The following SPATA31E1 variants were observed in gnomAD, a reference collection of about 807,000 sequenced individuals.
SPATA31E1 encodes SPATA31 subfamily E member 1, also known as spermatogenesis-associated protein 31E1.
A neutral mutation model predicts 12.9 loss-of-function variants in SPATA31E1; 7 were observed. The observed-to-expected ratio is 0.54, with a 90% CI of 0.31 to 1.02. SPATA31E1 has a LOEUF of 1.02. Among genes scored for constraint, SPATA31E1 ranks in the 50% least tolerant of loss-of-function variants. The pLI, the probability that SPATA31E1 is intolerant of heterozygous loss-of-function variation, is 0.05. For synonymous variants in SPATA31E1, 771 were observed against 719.0 expected (o/e 1.07, Z -1.16); for missense variants, 1,961 against 1,799.8 (o/e 1.09, Z -1.62).
In SPATA31E1 at chr9:87,885,146, G is replaced by A. The variant is rs1192866994; in HGVS notation, c.659G>A (p.Ser220Asn). ...SEPFGPHSTLSASGPPEPLLP... is the reference protein window; with the variant it reads ...SEPFGPHSTLNASGPPEPLLP... Reference sequence around the variant, plus strand: ...CCTTTTGGACCACACTCAACCCTGAGTGCCTCCGGGCCACCAGAGCCCTTG... The same window carrying A: ...CCTTTTGGACCACACTCAACCCTGAATGCCTCCGGGCCACCAGAGCCCTTG... The change falls in exon 4 of 4, where the codon AGT becomes AAT. Residue 220 changes from serine (S) to asparagine (N), a missense_variant. Physicochemically the swap from Ser to Asn is conservative, Grantham distance 46 (BLOSUM62 1). Transcript: ENST00000325643. 3.1e-6 allele frequency: 5 copies of A among 1,614,130 alleles called. No individual in the cohort carries two copies. Among genetic ancestry groups the A allele is most frequent in the Middle Eastern group, 1.6e-4 (1 of 6,062 alleles).
chr9:87,885,177 C>T lies in SPATA31E1; in HGVS notation c.690C>T (p.Pro230=). 2 of 1,614,150 alleles carry T rather than the reference C, an allele frequency of 1.2e-6. No homozygotes were observed. The highest frequency in any genetic ancestry group is 1.1e-5 in the South Asian group (1 of 91,078). ...CCGGGCCACCAGAGCCCTTGCTTCC[C>T]CTAAAATGCCCTGCAACCCAGCCAC... ...SASGPPEPLL[P]LKCPATQPHV... The change falls in exon 4 of 4, where the codon CCC becomes CCT. Residue 230 remains proline, a synonymous_variant. Transcript: ENST00000325643.
chr9:87,883,855 G>A, intron 1 of SPATA31E1, 137 bp from the exon 2 acceptor site: 1 of 892,288 alleles, frequency 1.1e-6, no homozygotes, highest in Non-Finnish European at 1.7e-6. Flanking sequence ...CGGTAAACAT[G>A]AGTAAAAAGC....
Position 87,885,166 on chromosome 9 carries a change from C to A in SPATA31E1, c.679C>A (p.Pro227Thr), listed in dbSNP as rs1828243416. The A allele has an allele frequency of 1.9e-6, 3 of 1,614,180 alleles. No individual in the cohort carries two copies. Among genetic ancestry groups the A allele is most frequent in the Admixed American group, 1.7e-5 (1 of 60,028 alleles). Reference sequence around the variant, plus strand: ...CCTGAGTGCCTCCGGGCCACCAGAGCCCTTGCTTCCCCTAAAATGCCCTGC... The same window carrying A: ...CCTGAGTGCCTCCGGGCCACCAGAGACCTTGCTTCCCCTAAAATGCCCTGC... ...STLSASGPPE[P>T]LLPLKCPATQ... Residue 227 changes from proline to threonine, a missense_variant, in exon 4 of 4, where the codon CCC (proline) becomes ACC (threonine). By Grantham distance (38) the Pro-to-Thr change is conservative (BLOSUM62 -1). Transcript: ENST00000325643.
chr9:87,885,230 C>T lies in SPATA31E1; in HGVS notation c.743C>T (p.Pro248Leu), dbSNP rs150375971. 5.0e-6 allele frequency: 8 copies of T among 1,614,040 alleles called. No homozygotes were observed. Among genetic ancestry groups the T allele is most frequent in the African/African-American group, 1.3e-5 (1 of 74,928 alleles). Residue 248 changes from proline to leucine, a missense_variant, in exon 4 of 4, where the codon CCG (proline) becomes CTG (leucine). By Grantham distance (98) the Pro-to-Leu change is moderately conservative. Transcript: ENST00000325643. Reference protein sequence around the residue: ...PHVVFPPSPQPHGPLASSPPP... With the variant: ...PHVVFPPSPQLHGPLASSPPP... ...GTGGTTTTTCCTCCTTCACCACAGC[C>T]GCATGGTCCCCTGGCCTCCTCTCCA... is the stretch of plus-strand genomic sequence containing the variant.
chr9:87,884,760 G>A (rs1828233334), intron 3 of SPATA31E1, 109 bp downstream of exon 3: 3 of 1,511,786 alleles, frequency 2.0e-6, no homozygotes, highest in African/African-American at 1.4e-5. Context: ...AAGGGGACAG[G>A]AGGGGACTGA....
chr9:87,885,291 T>C lies in SPATA31E1; in HGVS notation c.804T>C (p.Cys268=), dbSNP rs954128255. The C allele has an allele frequency of 2.5e-6, 4 of 1,614,058 alleles. No homozygotes were observed. Among genetic ancestry groups the C allele is most frequent in the Non-Finnish European group, 3.4e-6 (4 of 1,179,980 alleles). ...PPDSSLAGLQ[C]GSTTCPVPQS... ...ACTCCAGCCTGGCTGGACTTCAGTG[T>C]GGCTCCACAACATGCCCCGTCCCCC... The change falls in exon 4 of 4, where the codon TGT becomes TGC. Residue 268 remains cysteine (C), a synonymous_variant. Transcript: ENST00000325643.
intron 1 of SPATA31E1, 115 bp downstream of exon 1, chr9:87,883,315 C>G: frequency 7.0e-7 from 1 of 1,428,010 alleles, no homozygotes; most frequent in Non-Finnish European, 9.5e-7. Flanking sequence ...TCTCGTCATC[C>G]CTCTAGGGAA....
Position 87,887,294 on chromosome 9 carries a change from G to A in SPATA31E1, c.2807G>A (p.Gly936Glu), listed in dbSNP as rs778234442. 1.2e-6 allele frequency: 2 copies of A among 1,613,864 alleles called. No individual in the cohort carries two copies. Among genetic ancestry groups the A allele is most frequent in the East Asian group, 2.2e-5 (1 of 44,868 alleles). The change falls in exon 4 of 4, where the codon GGG becomes GAG. Residue 936 changes from glycine (G) to glutamate (E), a missense_variant. Coordinates refer to ENST00000325643, the MANE Select transcript of SPATA31E1 (RefSeq NM_178828.5). ...EQEGVQRPPR[G>E]SQSADTHGRS... ...GAGGGAGTCCAGAGGCCCCCGAGAG[G>A]GTCCCAGTCAGCTGATACCCATGGG...
At position 87,888,900 on chromosome 9, in the gene SPATA31E1, T is replaced by A. The variant is rs1587572603; in HGVS notation, c.*75T>A. 2.4e-5 allele frequency: 34 copies of A among 1,407,144 alleles called. No individual in the cohort carries two copies. The highest frequency in any genetic ancestry group is 2.8e-5 in the South Asian group (2 of 70,200). The allele number at this position is 1,407,144 out of a possible 1,614,324, so 87.2% of individuals were successfully genotyped here. A position where few individuals can be genotyped will look rare whatever the true frequency, so the allele number is the denominator to read the frequency against. On this transcript the variant is annotated 3_prime_UTR_variant, in exon 4 of 4. Transcript: ENST00000325643. ...TCAAATAAAACTGATGCCTACACAA[T>A]AAACCTGTCCTGCGTGGGTGATCAC... is the stretch of plus-strand genomic sequence containing the variant.
Position 87,887,053 on chromosome 9 carries a change from G to C in SPATA31E1, c.2566G>C (p.Glu856Gln). ...HSWGTDLQSL[E>Q]PINVWSGEAQ... Reference sequence around the variant, plus strand: ...CTGGGGTACAGACCTCCAGTCCCTGGAGCCCATAAATGTCTGGTCAGGTGA... The same window carrying C: ...CTGGGGTACAGACCTCCAGTCCCTGCAGCCCATAAATGTCTGGTCAGGTGA... Residue 856 changes from glutamate to glutamine, a missense_variant, in exon 4 of 4, where the codon GAG (glutamate) becomes CAG (glutamine). Physicochemically the swap from Glu to Gln is conservative, Grantham distance 29. Transcript: ENST00000325643. 2 of 1,614,066 alleles carry C rather than the reference G, an allele frequency of 1.2e-6. No individual in the cohort carries two copies. The highest frequency in any genetic ancestry group is 1.7e-6 in the Non-Finnish European group (2 of 1,179,994).
Position 87,888,367 on chromosome 9 carries a change from G to C in SPATA31E1, c.3880G>C (p.Ala1294Pro). The C allele has an allele frequency of 1.2e-6, 2 of 1,614,206 alleles. No homozygotes were observed. The highest frequency in any genetic ancestry group is 1.7e-6 in the Non-Finnish European group (2 of 1,180,032). The change falls in exon 4 of 4, where the codon GCA becomes CCA. Residue 1294 changes from alanine to proline, a missense_variant. Ala to Pro is a conservative substitution (Grantham distance 27). Transcript: ENST00000325643. Reference protein sequence around the residue: ...EDVLQKGKPGADAFQSWGSGP... With the variant: ...EDVLQKGKPGPDAFQSWGSGP... ...TGTCCTGCAGAAAGGCAAGCCTGGG[G>C]CAGATGCTTTCCAGAGCTGGGGGTC...
intron 3 of SPATA31E1, 99 bp downstream of exon 3, chr9:87,884,750 A>C: frequency 6.5e-7 from 1 of 1,536,618 alleles, no homozygotes; most frequent in Non-Finnish European, 9.0e-7. Context: ...AGGTCCCGGG[A>C]AGGGGACAGG....
At position 87,888,389 on chromosome 9, in the gene SPATA31E1, G is replaced by A; in HGVS notation, c.3902G>A (p.Gly1301Glu). The A allele has an allele frequency of 6.2e-7, 1 of 1,614,158 alleles. No homozygotes were observed. Among genetic ancestry groups the A allele is most frequent in the Non-Finnish European group, 8.5e-7 (1 of 1,180,028 alleles). Residue 1301 changes from glycine (G) to glutamate (E), a missense_variant, in exon 4 of 4, where the codon GGG becomes GAG. Coordinates refer to ENST00000325643, the MANE Select transcript of SPATA31E1 (RefSeq NM_178828.5). ...KPGADAFQSWGSGPPRQFMDC... is the reference protein window; with the variant it reads ...KPGADAFQSWESGPPRQFMDC... ...GGGGCAGATGCTTTCCAGAGCTGGG[G>A]GTCTGGCCCACCAAGGCAGTTTATG...
In SPATA31E1 at chr9:87,886,399, G is replaced by A. The variant is rs894275216; in HGVS notation, c.1912G>A (p.Glu638Lys). The A allele has an allele frequency of 6.8e-6, 11 of 1,613,714 alleles. No individual in the cohort carries two copies. Among genetic ancestry groups the A allele is most frequent in the South Asian group, 5.5e-5 (5 of 91,072 alleles). The change falls in exon 4 of 4, where the codon GAG becomes AAG. Residue 638 changes from glutamate to lysine, a missense_variant. Glu to Lys is a moderately conservative substitution (Grantham distance 56). Transcript: ENST00000325643. ...WWQGRNAIHQ[E>K]QSCGPPSRLQ... Reference sequence around the variant, plus strand: ...GCAAGGAAGGAATGCCATCCACCAGGAGCAGTCCTGTGGCCCTCCCAGCAG... The same window carrying A: ...GCAAGGAAGGAATGCCATCCACCAGAAGCAGTCCTGTGGCCCTCCCAGCAG...
In SPATA31E1 at chr9:87,886,451, A is replaced by G; in HGVS notation, c.1964A>G (p.Gln655Arg). 6.2e-7 allele frequency: 1 copy of G among 1,613,946 alleles called. No individual in the cohort carries two copies. Among genetic ancestry groups the G allele is most frequent in the Non-Finnish European group, 8.5e-7 (1 of 1,179,960 alleles). ...SRLQASGDLL[Q>R]PDGEFPGRPQ... ...TTGCAGGCATCTGGGGACCTGCTAC[A>G]GCCTGATGGGGAATTCCCAGGGAGG... Residue 655 changes from glutamine (Q) to arginine (R), a missense_variant, in exon 4 of 4, where the codon CAG becomes CGG. Transcript: ENST00000325643.
Position 87,884,951 on chromosome 9 carries a change from T to G in SPATA31E1, c.464T>G (p.Leu155Arg). The G allele has an allele frequency of 6.2e-7, 1 of 1,613,182 alleles. No homozygotes were observed. ...CTCGCTGGCGAAGGCAGCTCCCACCTGCCCTTAGGTGGAGACCCCCTGGGG... is the reference window on the plus strand; with the variant it reads ...CTCGCTGGCGAAGGCAGCTCCCACCGGCCCTTAGGTGGAGACCCCCTGGGG... Reference protein sequence around the residue: ...RKLAGEGSSHLPLGGDPLGDV... With the variant: ...RKLAGEGSSHRPLGGDPLGDV... The change falls in exon 4 of 4, where the codon CTG becomes CGG. Residue 155 changes from leucine (L) to arginine (R), a missense_variant. Transcript: ENST00000325643.
Position 87,883,024 on chromosome 9 carries a change from ATG to A in SPATA31E1, c.134_135del (p.Met45ThrfsTer8), listed in dbSNP as rs762735291. ...CGACATTGCACTTCAGATGGAGAAA[ATG>A]CTCTTTCCTCTGAAGAGCCCTAGTG... Reference protein sequence around the residue: ...GDDIALQMEKMLFPLKSPSAT... With the variant: ...GDDIALQMEKXLFPLKSPSAT... On this transcript the variant is annotated frameshift_variant, in exon 1 of 4. Transcript: ENST00000325643. LOFTEE classifies it high-confidence loss of function. The A allele has an allele frequency of 6.2e-7, 1 of 1,612,866 alleles. No individual in the cohort carries two copies. Among genetic ancestry groups the A allele is most frequent in the Non-Finnish European group, 8.5e-7 (1 of 1,179,770 alleles).
chr9:87,885,080 T>G lies in SPATA31E1; in HGVS notation c.593T>G (p.Leu198Arg). ...SLSPPAPPAP[L>R]ASTLSPGPMT... ...TCCCCACCAGCTCCCCCAGCTCCTC[T>G]GGCCTCCACCCTGTCACCAGGCCCG... is the stretch of plus-strand genomic sequence containing the variant. Residue 198 changes from leucine to arginine, a missense_variant, in exon 4 of 4, where the codon CTG becomes CGG. Coordinates refer to ENST00000325643, the MANE Select transcript of SPATA31E1 (RefSeq NM_178828.5). 1.9e-6 allele frequency: 3 copies of G among 1,614,166 alleles called. No homozygotes were observed. Among genetic ancestry groups the G allele is most frequent in the Non-Finnish European group, 2.5e-6 (3 of 1,180,004 alleles).
At chr9:87,884,125 C>A in intron 2 of SPATA31E1, 79 bp downstream of exon 2, 1 of 1,508,426 alleles carries the variant, frequency 6.6e-7, no homozygotes, top group Non-Finnish European at 9.0e-7. Context: ...TTGCAGAGGC[C>A]TGAGAGGGAA....
Sources: allele counts gnomAD v4.1 joint callset, GRCh38; gene constraint gnomAD v4.1.1; transcripts MANE v1.5; gene names NCBI Gene and HGNC (gene_info 2026-07-23, HGNC 2026-07-21).